Variants in INTS1 observed in about 807,000 individuals in gnomAD.
The protein encoded by INTS1 is integrator complex subunit 1.
INTS1 carries 137 observed loss-of-function variants against 241.6 expected under a neutral mutation model. The observed-to-expected ratio is 0.57, with a 90% CI of 0.49 to 0.65. INTS1 has a LOEUF of 0.65. INTS1 is among the 30% of genes least tolerant of loss of function. The pLI, the probability that INTS1 is intolerant of heterozygous loss-of-function variation, is 0.00. For missense variants in INTS1, 3,073 were observed against 3,032.2 expected (o/e 1.01, Z -0.32); for synonymous variants, 1,692 against 1,337.8 (o/e 1.26, Z -5.78).
chr7:1,503,987 C>A lies in INTS1; in HGVS notation c.-27G>T, dbSNP rs758788603. 8.5e-6 allele frequency: 13 copies of A among 1,530,796 alleles called. No homozygotes were observed. Among genetic ancestry groups the A allele is most frequent in the Admixed American group, 4.2e-5 (2 of 48,042 alleles). 94.8% of individuals were successfully genotyped at this position (1,530,796 alleles called of 1,614,324 possible). On this transcript the variant is annotated 5_prime_UTR_variant, in exon 2 of 48. Transcript: ENST00000404767. The stretch of plus-strand genomic sequence containing the variant: ...CTGCCCCGTCCCTCGCGGCTCCCGG[C>A]GGCTGCGGCGTCACCTGCGGAGGAG...
intron 27 of INTS1, 30 bp downstream of exon 27, chr7:1,482,514 CAG>C: frequency 1.3e-6 from 2 of 1,565,830 alleles, no homozygotes; most frequent in Non-Finnish European, 1.7e-6. Context: ...CCTGAGTCAG[CAG>C]CCCCTGCCCA....
At position 1,485,161 on chromosome 7, in the gene INTS1, G is replaced by A. The variant is rs375203733; in HGVS notation, c.3198C>T (p.Tyr1066=). The A allele has an allele frequency of 2.5e-6, 4 of 1,600,792 alleles. No homozygotes were observed. Among genetic ancestry groups the A allele is most frequent in the African/African-American group, 1.3e-5 (1 of 74,928 alleles). The change falls in exon 24 of 48, where the codon TAC becomes TAT. Residue 1066 remains tyrosine (Y), a synonymous_variant. Transcript: ENST00000404767. ...GCGTGTGCTGGGACAAGTAGATCAG[G>A]TAGGCGCTGATGGTCTGGGGATCAG... is the stretch of plus-strand genomic sequence containing the variant. ...METDPQTISA[Y]LIYLSQHTPV...
intron 1 of INTS1, 104 bp downstream of exon 1, chr7:1,504,219 A>G: frequency 5.7e-6 from 3 of 529,424 alleles, no homozygotes; most frequent in South Asian, 2.2e-5. Flanking sequence ...GCCGGGCTGG[A>G]GGCGGCAGAA....
At position 1,474,323 on chromosome 7, in the gene INTS1, T is replaced by G; in HGVS notation, c.5674A>C (p.Thr1892Pro). 6.2e-7 allele frequency: 1 copy of G among 1,606,640 alleles called. No homozygotes were observed. Among genetic ancestry groups the G allele is most frequent in the Non-Finnish European group, 8.5e-7 (1 of 1,178,184 alleles). The stretch of plus-strand genomic sequence containing the variant: ...CGGAACTCCTGGAAGTTGAGGTGGG[T>G]GCGGCCGTGCAGGAGCGCCGCGATC... ...PMIAALLHGR[T>P]HLNFQEFRQQ... Residue 1892 changes from threonine to proline, a missense_variant, in exon 41 of 48, where the codon ACC becomes CCC. Thr to Pro is a conservative substitution (Grantham distance 38). Transcript: ENST00000404767.
rs1206864598 is a variant in INTS1, at chr7:1,485,138, G to A, written c.3221C>T (p.Thr1074Met). The A allele has an allele frequency of 9.4e-6, 15 of 1,601,012 alleles. No individual in the cohort carries two copies. In the Middle Eastern group the frequency reaches 4.9e-4, roughly 53 times the overall value. ...SAYLIYLSQH[T>M]PVEEQAQHSD... ...GTGCTGGGCCTGCTCCTCCACAGGC[G>A]TGTGCTGGGACAAGTAGATCAGGTA... Residue 1074 changes from threonine (T) to methionine (M), a missense_variant, in exon 24 of 48, where the codon ACG (threonine) becomes ATG (methionine). Physicochemically the swap from Thr to Met is moderately conservative, Grantham distance 81 (BLOSUM62 -1). Coordinates refer to ENST00000404767, the MANE Select transcript of INTS1 (RefSeq NM_001080453.3).
chr7:1,498,614 G>T, intron 9 of INTS1, 61 bp from the exon 10 acceptor site: 1 of 1,587,860 alleles, frequency 6.3e-7, no homozygotes, highest in Admixed American at 1.7e-5. Context: ...CTCCGCCTGT[G>T]CCCCCACTCC....
At chr7:1,479,063 C>T (rs867248849) in intron 31 of INTS1, among the ~76,000 whole-genome samples, 178 bp from the exon 32 acceptor site, 7 of 152,224 alleles carry the variant, frequency 4.6e-5, no homozygotes, top group Admixed American at 3.3e-4. Context: ...CGGGCCCAGA[C>T]GACCTCACAG....
chr7:1,474,893 C>A, intron 39 of INTS1, 55 bp from the exon 40 acceptor site: 4 of 1,527,768 alleles, frequency 2.6e-6, no homozygotes, highest in Middle Eastern at 2.3e-4. Context: ...ACTTGCCCAC[C>A]CACACTCAGC....
intron 27 of INTS1, 100 bp downstream of exon 27, chr7:1,482,446 C>T: frequency 8.0e-7 from 1 of 1,245,280 alleles, no homozygotes; most frequent in East Asian, 2.4e-5. Context: ...CAGTCTTCTC[C>T]TCTGCCACAG....
In INTS1 at chr7:1,473,394, G is replaced by C. The variant is rs185113352; in HGVS notation, c.5957+172C>G. Among the ~76,000 whole-genome samples the C allele has an allele frequency of 1.9e-3, 294 of 152,296 alleles. 1 individual carries two copies. The highest frequency in any genetic ancestry group is 3.2e-3 in the Non-Finnish European group (221 of 68,016). On this transcript the variant is annotated intron_variant, in intron 42 of 47. Transcript: ENST00000404767. ...TGCAGGGGTGGGTTCAGACGGCTTC[G>C]GCACAGGGTGGGGCGGCCTCTGCGC...
intron 16 of INTS1, among the ~76,000 whole-genome samples, chr7:1,490,863 T>G (rs1782515152): frequency 6.6e-6 from 1 of 152,218 alleles, no homozygotes; most frequent in Non-Finnish European, 1.5e-5. Flanking sequence ...AGAACAGACG[T>G]GCAGACGGAC....
At position 1,481,111 on chromosome 7, in the gene INTS1, A is replaced by G; in HGVS notation, c.3851-178T>C. ...CCCCAACAGCTCCCTCCAAGCTCAA[A>G]ACACGGCCCTAGGGGGTGCCTGGCC... is the stretch of plus-strand genomic sequence containing the variant. On this transcript the variant is annotated intron_variant, in intron 28 of 47. Coordinates refer to ENST00000404767, the MANE Select transcript of INTS1 (RefSeq NM_001080453.3). The surrounding 1 kb of genome is among the most constrained non-coding windows in gnomAD (Gnocchi z 6.8). The G allele has an allele frequency of 5.8e-6, 4 of 690,964 alleles. No homozygotes were observed. The highest frequency in any genetic ancestry group is 1.0e-5 in the Non-Finnish European group (4 of 399,382). The allele number at this position is 690,964 out of a possible 1,614,324, so 42.8% of individuals were successfully genotyped here. A position where few individuals can be genotyped will look rare whatever the true frequency, so the allele number is the denominator to read the frequency against.
Position 1,470,658 on chromosome 7 carries a change from C to G in INTS1, c.6492G>C (p.Leu2164=), listed in dbSNP as rs775023824. ...GGTCCATCTGGCCGTACATGCCCACCAGGAAGGCCCGGTGGAGCAGCACAG... is the reference window on the plus strand; with the variant it reads ...GGTCCATCTGGCCGTACATGCCCACGAGGAAGGCCCGGTGGAGCAGCACAG... The part of the protein sequence containing the change: ...HAAVLLHRAF[L]VGMYGQMDPS... Residue 2164 remains leucine (L), a synonymous_variant, in exon 48 of 48, where the codon CTG becomes CTC. Coordinates refer to ENST00000404767, the MANE Select transcript of INTS1 (RefSeq NM_001080453.3). The G allele has an allele frequency of 7.0e-6, 11 of 1,582,464 alleles. No individual in the cohort carries two copies. In the Admixed American group the frequency reaches 1.8e-4, roughly 25 times the overall value.
rs1781738247 is a variant in INTS1, at chr7:1,476,649, G to A, written c.5072C>T (p.Pro1691Leu). 8.7e-6 allele frequency: 14 copies of A among 1,612,698 alleles called. No individual in the cohort carries two copies. Among genetic ancestry groups the A allele is most frequent in the Non-Finnish European group, 1.1e-5 (13 of 1,179,874 alleles). The change falls in exon 37 of 48, where the codon CCC (proline) becomes CTC (leucine). Residue 1691 changes from proline (P) to leucine (L), a missense_variant. Pro to Leu is a moderately conservative substitution (Grantham distance 98). Coordinates refer to ENST00000404767, the MANE Select transcript of INTS1 (RefSeq NM_001080453.3). Reference sequence around the variant, plus strand: ...CCAGAGGAAGTCCAGAGAGGCAGAGGGGTCGAACCTGTGGGGAGGCAAAGG... The same window carrying A: ...CCAGAGGAAGTCCAGAGAGGCAGAGAGGTCGAACCTGTGGGGAGGCAAAGG... Reference protein sequence around the residue: ...LGKSREQRFDPSASLDFLWAC... With the variant: ...LGKSREQRFDLSASLDFLWAC...
chr7:1,503,284 A>G, intron 2 of INTS1, 93 bp from the exon 3 acceptor site: 2 of 1,355,204 alleles, frequency 1.5e-6, no homozygotes, highest in Non-Finnish European at 2.0e-6. Context: ...AGAGGGGATT[A>G]AACAAGGGTC....
At chr7:1,474,596 G>A (rs1351221206) in intron 40 of INTS1, 109 bp downstream of exon 40, 1 of 1,404,746 alleles carries the variant, frequency 7.1e-7, no homozygotes, top group Non-Finnish European at 9.5e-7. Context: ...ATGGGAACAT[G>A]CTTTTTTTTG....
intron 1 of INTS1, 34 bp from the exon 2 acceptor site, chr7:1,504,035 C>T: frequency 9.0e-7 from 1 of 1,114,494 alleles, no homozygotes; most frequent in Non-Finnish European, 1.3e-6. Flanking sequence ...CATTCCTTCA[C>T]TCATTCGCTC....
chr7:1,480,155 C>A (rs1562493400), intron 30 of INTS1, among the ~76,000 whole-genome samples, 162 bp downstream of exon 30: 3 of 152,266 alleles, frequency 2.0e-5, no homozygotes, highest in Admixed American at 6.5e-5. Flanking sequence ...AGCAGCGTGC[C>A]AGGGTCAGGC....
At chr7:1,488,290 A>T (rs1263462037) in intron 18 of INTS1, among the ~76,000 whole-genome samples, 5 of 152,140 alleles carry the variant, frequency 3.3e-5, no homozygotes, top group African/African-American at 1.2e-4. Flanking sequence ...AGCATAGCCT[A>T]GTTTGACAGC....
Sources: allele counts gnomAD v4.1 joint callset (sites outside exome capture counted in the v4.1 genomes callset), GRCh38; gene constraint gnomAD v4.1.1; non-coding constraint Gnocchi (gnomAD v3.1); transcripts MANE v1.5; gene names NCBI Gene and HGNC (gene_info 2026-07-23, HGNC 2026-07-21).